Variants in ANKAR observed in about 807,000 individuals in gnomAD.
The protein encoded by ANKAR is ankyrin and armadillo repeat containing.
A neutral mutation model predicts 146.2 loss-of-function variants in ANKAR; 136 were observed. That is an observed-to-expected ratio of 0.93 (90% CI 0.81 to 1.07). The LOEUF is 1.07. ANKAR is among the 50% of genes least tolerant of loss of function. The probability of loss-of-function intolerance (pLI) is 0.00; values close to 1 mark genes in which losing one functional copy is unlikely to be tolerated. For synonymous variants in ANKAR, 500 were observed against 575.8 expected (o/e 0.87, Z 1.88); for missense variants, 1,567 against 1,679.9 (o/e 0.93, Z 1.18).
downstream of ANKAR, chr2:189,750,439 A>G (rs2044983222): frequency 2.1e-6 from 1 of 467,044 alleles, no homozygotes. Context: ...AGAGCAGGTA[A>G]AACATCAAAT....
Position 189,737,941 on chromosome 2 carries a change from T to C in ANKAR, c.3582+100T>C. Reference sequence around the variant, plus strand: ...GAGGCCCAGAAAAACGTTTACTTATTTGTAAAAACTTAGTACTTTGCACAT... The same window carrying C: ...GAGGCCCAGAAAAACGTTTACTTATCTGTAAAAACTTAGTACTTTGCACAT... On this transcript the variant is annotated intron_variant, in intron 18 of 22. Coordinates refer to ENST00000684021, the MANE Select transcript of ANKAR (RefSeq NM_001378068.1). 8 of 1,175,868 alleles carry C rather than the reference T, an allele frequency of 6.8e-6. No individual in the cohort carries two copies. In the South Asian group the frequency reaches 1.0e-4, roughly 15 times the overall value. 72.8% of individuals were successfully genotyped at this position (1,175,868 alleles called of 1,614,324 possible). A position where few individuals can be genotyped will look rare whatever the true frequency, so the allele number is the denominator to read the frequency against.
intron 3 of ANKAR, among the ~76,000 whole-genome samples, chr2:189,690,211 T>G (rs2036178164): frequency 6.6e-6 from 1 of 152,166 alleles, no homozygotes. Context: ...AAGTTCTGTA[T>G]GAATAGGGAA....
chr2:189,702,339 G>T (rs951850247), intron 7 of ANKAR, among the ~76,000 whole-genome samples: 6 of 152,148 alleles, frequency 3.9e-5, no homozygotes, highest in Admixed American at 6.5e-5. Context: ...TAAAACACAT[G>T]AAAGCATGGG....
intron 10 of ANKAR, among the ~76,000 whole-genome samples, chr2:189,713,260 A>G (rs953553931): frequency 2.0e-5 from 3 of 152,218 alleles, no homozygotes; most frequent in African/African-American, 7.2e-5. Flanking sequence ...TTCAGGAAAT[A>G]CAGAGAACAC....
chr2:189,746,347 C>T (rs779165529), intron 22 of ANKAR, 33 bp from the exon 23 acceptor site: 3 of 1,572,888 alleles, frequency 1.9e-6, no homozygotes, highest in Non-Finnish European at 2.6e-6. Flanking sequence ...CTAGGGCTCT[C>T]AGGAGAGACA....
At chr2:189,679,934 T>C (rs1410939354) in intron 2 of ANKAR, among the ~76,000 whole-genome samples, 5 of 152,170 alleles carry the variant, frequency 3.3e-5, no homozygotes, top group Admixed American at 6.5e-5. Flanking sequence ...TGTCCTTTCC[T>C]GGTTTGGATA....
chr2:189,681,677 C>T (rs180770204), intron 2 of ANKAR, among the ~76,000 whole-genome samples: 11 of 152,302 alleles, frequency 7.2e-5, no homozygotes, highest in Admixed American at 4.6e-4. Flanking sequence ...TCTCAGAGAC[C>T]TCCTGCTTGT....
intron 10 of ANKAR, among the ~76,000 whole-genome samples, chr2:189,719,301 A>G (rs950807942): frequency 2.0e-5 from 3 of 152,212 alleles, no homozygotes; most frequent in African/African-American, 4.8e-5. Flanking sequence ...CAGTGTTTCA[A>G]TGGTGGCTTA....
At chr2:189,687,590 G>T (rs965730604) in intron 2 of ANKAR, among the ~76,000 whole-genome samples, 1 of 152,106 alleles carries the variant, frequency 6.6e-6, no homozygotes, top group Admixed American at 6.5e-5. Flanking sequence ...CAGTGTACTA[G>T]GGTTCCCTTT....
chr2:189,716,488 C>T (rs2040476997), intron 10 of ANKAR, among the ~76,000 whole-genome samples: 1 of 152,022 alleles, frequency 6.6e-6, no homozygotes, highest in African/African-American at 2.4e-5. Context: ...TAGGAAGAAT[C>T]AATATTGTGA....
At chr2:189,743,739 G>A (rs13411095) in intron 21 of ANKAR, among the ~76,000 whole-genome samples, 32 of 152,114 alleles carry the variant, frequency 2.1e-4, no homozygotes, top group Non-Finnish European at 4.1e-4. Flanking sequence ...AAGTTTTGGG[G>A]AGACTGGTTA....
At chr2:189,738,503 G>T in intron 18 of ANKAR, 62 bp from the exon 19 acceptor site, 4 of 973,416 alleles carry the variant, frequency 4.1e-6, no homozygotes, top group Admixed American at 2.3e-5. Flanking sequence ...AATGACAAAC[G>T]TGTAATTAGA....
chr2:189,728,281 T>C lies in ANKAR; in HGVS notation c.2892T>C (p.Asp964=), dbSNP rs1274706977. The C allele has an allele frequency of 6.2e-7, 1 of 1,601,920 alleles. No homozygotes were observed. Among genetic ancestry groups the C allele is most frequent in the Non-Finnish European group, 8.5e-7 (1 of 1,177,120 alleles). ...TTTAAAAATAGGCATTTCAAATAGA[T>C]GTTAAGGAACAAGGAGCTGTTGCAC... ...LLKLLKAFQI[D]VKEQGAVALW... The change falls in exon 14 of 23, where the codon GAT becomes GAC. Residue 964 remains aspartate (D), a synonymous_variant. Coordinates refer to ENST00000684021, the MANE Select transcript of ANKAR (RefSeq NM_001378068.1).
Position 189,746,467 on chromosome 2 carries a change from T to C in ANKAR, c.4145T>C (p.Leu1382Pro), listed in dbSNP as rs1469542666. ...CCTCCTGTAACTAACTTCATGGGACTCTTCAAAGCAACAAAAAAGACCAAG... is the reference window on the plus strand; with the variant it reads ...CCTCCTGTAACTAACTTCATGGGACCCTTCAAAGCAACAAAAAAGACCAAG... Reference protein sequence around the residue: ...LLPPVTNFMGLFKATKKTKDS... With the variant: ...LLPPVTNFMGPFKATKKTKDS... Residue 1382 changes from leucine (L) to proline (P), a missense_variant, in exon 23 of 23, where the codon CTC becomes CCC. Leu to Pro is a moderately conservative substitution (Grantham distance 98, BLOSUM62 -3). Coordinates refer to ENST00000684021, the MANE Select transcript of ANKAR (RefSeq NM_001378068.1). 3 of 1,613,828 alleles carry C rather than the reference T, an allele frequency of 1.9e-6. No individual in the cohort carries two copies. The highest frequency in any genetic ancestry group is 2.2e-5 in the South Asian group (2 of 91,012).
intron 10 of ANKAR, among the ~76,000 whole-genome samples, chr2:189,718,947 C>G (rs1483341064): frequency 6.6e-6 from 1 of 151,580 alleles, no homozygotes; most frequent in Non-Finnish European, 1.5e-5. Flanking sequence ...GACGGGGTTT[C>G]ACCTTGTTAG....
intron 18 of ANKAR, chr2:189,753,815 G>A: frequency 4.1e-6 from 5 of 1,228,818 alleles, no homozygotes; most frequent in Non-Finnish European, 5.7e-6. Context: ...GCTAGCATAA[G>A]GCATAAAGAT....
chr2:189,730,230 G>A (rs2105843051), intron 15 of ANKAR, among the ~76,000 whole-genome samples: 1 of 152,208 alleles, frequency 6.6e-6, no homozygotes, highest in South Asian at 2.1e-4. Context: ...AGTATTCCTT[G>A]GTAGTATAAT....
At chr2:189,716,123 C>A (rs1166618257) in intron 10 of ANKAR, among the ~76,000 whole-genome samples, 1 of 152,094 alleles carries the variant, frequency 6.6e-6, no homozygotes, top group Non-Finnish European at 1.5e-5. Context: ...AAAGGGTATT[C>A]AATTAGGAAA....
In ANKAR at chr2:189,696,148, A is replaced by G. The variant is rs893627330; in HGVS notation, c.1489-2A>G. ...AACTGATTCTGGCCTTCTTAATTTTAGAGTATTCCATTTGGTATGAAGTCC... is the reference window on the plus strand; with the variant it reads ...AACTGATTCTGGCCTTCTTAATTTTGGAGTATTCCATTTGGTATGAAGTCC... On this transcript the variant is annotated splice_acceptor_variant, in intron 6 of 22. Transcript: ENST00000684021. LOFTEE classifies it high-confidence loss of function. The G allele has an allele frequency of 4.3e-6, 7 of 1,613,096 alleles. No individual in the cohort carries two copies. The highest frequency in any genetic ancestry group is 5.9e-6 in the Non-Finnish European group (7 of 1,179,714).
Sources: allele counts gnomAD v4.1 joint callset (sites outside exome capture counted in the v4.1 genomes callset), GRCh38; gene constraint gnomAD v4.1.1; transcripts MANE v1.5; gene names NCBI Gene and HGNC (gene_info 2026-07-23, HGNC 2026-07-21).